Variants in KIAA0319 observed in about 807,000 individuals in gnomAD.
KIAA0319 encodes KIAA0319, also known as dyslexia-associated protein KIAA0319.
KIAA0319 carries 83 observed loss-of-function variants against 108.4 expected under a neutral mutation model. The observed-to-expected ratio is 0.77, with a 90% CI of 0.64 to 0.92. The LOEUF (loss-of-function observed/expected upper bound fraction) is 0.92, where lower values mean the gene tolerates loss of function less well. Among genes scored for constraint, KIAA0319 ranks in the 40% least tolerant of loss-of-function variants. KIAA0319 has a pLI of 0.00. For missense variants in KIAA0319, 1,195 were observed against 1,322.4 expected, an observed-to-expected ratio of 0.90 and a Z score of 1.49; for synonymous variants, 484 against 510.4, an observed-to-expected ratio of 0.95 and a Z score of 0.70.
intron 8 of KIAA0319, among the ~76,000 whole-genome samples, chr6:24,578,490 C>T (rs1287798117): frequency 2.0e-5 from 3 of 152,184 alleles, no homozygotes; most frequent in Non-Finnish European, 4.4e-5. Flanking sequence ...TTAAGAAGCA[C>T]AGTGACAGAT....
At chr6:24,620,137 A>G (rs957527651) in intron 1 of KIAA0319, among the ~76,000 whole-genome samples, 3 of 152,224 alleles carry the variant, frequency 2.0e-5, no homozygotes, top group Non-Finnish European at 2.9e-5. Flanking sequence ...ATATTCAGAC[A>G]TGAAAAAAGT....
intron 19 of KIAA0319, among the ~76,000 whole-genome samples, chr6:24,554,187 T>C (rs974143655): frequency 6.6e-6 from 1 of 152,184 alleles, no homozygotes; most frequent in Non-Finnish European, 1.5e-5. Flanking sequence ...TGCAAAGCTG[T>C]TGCTTGACTG....
chr6:24,580,095 C>G, intron 7 of KIAA0319, 145 bp from the exon 8 acceptor site: 2 of 595,004 alleles, frequency 3.4e-6, no homozygotes, highest in Non-Finnish European at 5.8e-6. Context: ...ATGGAGAGCA[C>G]TTTTTAAAGT....
Position 24,645,840 on chromosome 6 carries a change from T to TAC in KIAA0319, c.-212_-211dup, listed in dbSNP as rs70974925. ...TCCTCCTCGTCGTCATCGCAGGTCT[T>TAC]ACACACACACACACACACACACACA... On this transcript the variant is annotated 5_prime_UTR_variant, in exon 1 of 21. Transcript: ENST00000378214. The TAC allele has an allele frequency of 0.062, 8,650 of 139,964 alleles. 391 individuals are homozygous for TAC. Among genetic ancestry groups the TAC allele is most frequent in the South Asian group, 0.082 (341 of 4,138 alleles). 8.7% of individuals were successfully genotyped at this position (139,964 alleles called of 1,614,324 possible).
rs539382742 is a variant in KIAA0319 at position 24,619,825 on chromosome 6, C to G, written c.-105-18617G>C. Among the ~76,000 whole-genome samples the G allele has an allele frequency of 2.0e-5, 3 of 152,342 alleles. No homozygotes were observed. In the South Asian group the frequency reaches 6.2e-4, roughly 32 times the overall value. ...TTAAAATAAAACAGTGCCTTCTGATCTTGAGAGTGCCATATTTTGCTGCAG... is the reference window on the plus strand; with the variant it reads ...TTAAAATAAAACAGTGCCTTCTGATGTTGAGAGTGCCATATTTTGCTGCAG... On this transcript the variant is annotated intron_variant, in intron 1 of 20. Transcript: ENST00000378214.
intron 1 of KIAA0319, among the ~76,000 whole-genome samples, chr6:24,628,868 C>G (rs890914253): frequency 5.3e-5 from 8 of 152,100 alleles, no homozygotes; most frequent in Non-Finnish European, 7.3e-5. Context: ...TATAAGGGCA[C>G]CAGTCGCAGT....
At chr6:24,602,796 G>A (rs1293743911) in intron 1 of KIAA0319, among the ~76,000 whole-genome samples, 6 of 148,486 alleles carry the variant, frequency 4.0e-5, no homozygotes, top group South Asian at 2.1e-4. Flanking sequence ...GCGAGACCCC[G>A]TCTCAAAAAA....
At chr6:24,588,955 CTT>C (rs1265645046) in intron 3 of KIAA0319, among the ~76,000 whole-genome samples, 170 bp from the exon 4 acceptor site, 1 of 152,170 alleles carries the variant, frequency 6.6e-6, no homozygotes, top group East Asian at 1.9e-4. Context: ...CAAGTACTCT[CTT>C]TGCTGTCTAT....
In KIAA0319 at chr6:24,596,118, C is replaced by A. The variant is rs1445581741; in HGVS notation, c.556G>T (p.Gly186Cys). The A allele has an allele frequency of 1.2e-6, 2 of 1,614,156 alleles. No homozygotes were observed. The highest frequency in any genetic ancestry group is 8.5e-7 in the Non-Finnish European group (1 of 1,180,026). The change falls in exon 3 of 21, where the codon GGC (glycine) becomes TGC (cysteine). Residue 186 changes from glycine (G) to cysteine (C), a missense_variant. By Grantham distance (159) the Gly-to-Cys change is radical (BLOSUM62 -3). Transcript: ENST00000378214. ...PRGSAEYTDW[G>C]LLPGSEGAFN... Reference sequence around the variant, plus strand: ...GCCCCCTCGCTGCCCGGCAGTAGGCCCCAGTCCGTGTACTCGGCACTCCCT... The same window carrying A: ...GCCCCCTCGCTGCCCGGCAGTAGGCACCAGTCCGTGTACTCGGCACTCCCT...
At chr6:24,556,100 A>G (rs1210608516) in intron 18 of KIAA0319, among the ~76,000 whole-genome samples, 1 of 151,928 alleles carries the variant, frequency 6.6e-6, no homozygotes, top group Non-Finnish European at 1.5e-5. Flanking sequence ...AATGTTTATA[A>G]CTGCAGAGCT....
chr6:24,593,738 A>G (rs1021445382), intron 3 of KIAA0319, among the ~76,000 whole-genome samples: 1 of 151,986 alleles, frequency 6.6e-6, no homozygotes, highest in Non-Finnish European at 1.5e-5. Context: ...ACCTCAAAGA[A>G]CTAATGAGCC....
chr6:24,554,568 G>A lies in KIAA0319; in HGVS notation c.2921C>T (p.Thr974Ile), dbSNP rs1271060415. ...FTLIVLTGGF[T>I]WLCICCCKRQ... ...TTTGCAGCAGCAGATGCAAAGCCAA[G>A]TGAAACCTCCTGTTAGCACAATAAG... The change falls in exon 19 of 21, where the codon ACT (threonine) becomes ATT (isoleucine). Residue 974 changes from threonine to isoleucine, a missense_variant. Physicochemically the swap from Thr to Ile is moderately conservative, Grantham distance 89 (BLOSUM62 -1). Transcript: ENST00000378214. 1.2e-6 allele frequency: 2 copies of A among 1,613,828 alleles called. No homozygotes were observed. Among genetic ancestry groups the A allele is most frequent in the African/African-American group, 1.3e-5 (1 of 74,914 alleles).
At chr6:24,605,080 A>G (rs1479137745) in intron 1 of KIAA0319, among the ~76,000 whole-genome samples, 2 of 152,176 alleles carry the variant, frequency 1.3e-5, no homozygotes, top group Non-Finnish European at 2.9e-5. Flanking sequence ...ACCTCAGGTG[A>G]TCCACCCGCC....
At chr6:24,590,119 T>C (rs776429828) in intron 3 of KIAA0319, among the ~76,000 whole-genome samples, 11 of 152,156 alleles carry the variant, frequency 7.2e-5, no homozygotes, top group African/African-American at 1.2e-4. Flanking sequence ...TTGGTGCTAA[T>C]TGAAAAGACA....
rs189410103 is a variant in KIAA0319 at position 24,640,633 on chromosome 6, T to A, written c.-106+5103A>T. Among the ~76,000 whole-genome samples the A allele has an allele frequency of 7.9e-5, 12 of 152,304 alleles. No homozygotes were observed. In the East Asian group the frequency reaches 1.5e-3, roughly 20 times the overall value. ...TTTTTTCATTGTGGTAAAATATATA[T>A]AACATAACATTTACCATTTTAACCA... is the stretch of plus-strand genomic sequence containing the variant. On this transcript the variant is annotated intron_variant, in intron 1 of 20. Transcript: ENST00000378214.
chr6:24,613,941 C>T (rs1025544322), intron 1 of KIAA0319, among the ~76,000 whole-genome samples: 8 of 152,158 alleles, frequency 5.3e-5, no homozygotes, highest in African/African-American at 1.7e-4. Flanking sequence ...TATTTCTTAA[C>T]TGCCTTGTTT....
intron 19 of KIAA0319, among the ~76,000 whole-genome samples, chr6:24,552,914 C>T (rs150217364): frequency 5.3e-5 from 8 of 152,112 alleles, no homozygotes; most frequent in South Asian, 4.2e-4. Context: ...TTAAAATATA[C>T]GTTTTTTAAA....
At chr6:24,581,354 T>A (rs1374140188) in intron 6 of KIAA0319, among the ~76,000 whole-genome samples, 1 of 152,200 alleles carries the variant, frequency 6.6e-6, no homozygotes, top group African/African-American at 2.4e-5. Flanking sequence ...GTGGTCTGGA[T>A]GCCACACTTT....
chr6:24,633,425 A>G (rs1775822544), intron 1 of KIAA0319, among the ~76,000 whole-genome samples: 1 of 152,226 alleles, frequency 6.6e-6, no homozygotes, highest in South Asian at 2.1e-4. Flanking sequence ...AGGACAATAC[A>G]TATTAAAGAT....
Sources: gnomAD v4.1 joint callset for allele counts (sites outside exome capture counted in the v4.1 genomes callset) on GRCh38, gnomAD v4.1.1 for gene constraint, MANE v1.5 for transcripts, NCBI Gene and HGNC (gene_info 2026-07-23, HGNC 2026-07-21) for gene names.